Variants in ATP11A observed in about 807,000 individuals in gnomAD.
The protein encoded by ATP11A is ATPase phospholipid transporting 11A.
In ATP11A, 81 loss-of-function variants were observed where a neutral mutation model predicts 154.4. The ratio of observed to expected loss-of-function variants is 0.52; its 90% CI spans 0.44 to 0.63. The LOEUF (loss-of-function observed/expected upper bound fraction) is 0.63. Ranked by LOEUF, ATP11A falls within the 30% of genes least tolerant of loss-of-function variation. The pLI is 0.00. For synonymous variants in ATP11A, 623 were observed against 585.9 expected, an observed-to-expected ratio of 1.06 and a Z score of -0.91; for missense variants, 1,316 against 1,474.3, an observed-to-expected ratio of 0.89 and a Z score of 1.76.
At chr13:112,740,666 C>T (rs1244014756) in intron 1 of ATP11A, among the ~76,000 whole-genome samples, 2 of 152,204 alleles carry the variant, frequency 1.3e-5, no homozygotes, top group African/African-American at 2.4e-5. Context: ...GCAGACAAGG[C>T]GTGCTGCCCA....
At chr13:112,811,885 C>T (rs1199708398) in intron 5 of ATP11A, 1 of 152,224 alleles carries the variant, frequency 6.6e-6, no homozygotes, top group Non-Finnish European at 1.5e-5. Flanking sequence ...GAATTACAGG[C>T]ATAAGCCACC....
At chr13:112,872,589 C>A (rs554790260) in intron 26 of ATP11A, among the ~76,000 whole-genome samples, 5 of 152,216 alleles carry the variant, frequency 3.3e-5, no homozygotes, top group Admixed American at 6.5e-5. Flanking sequence ...CCAGCCTGGG[C>A]GACAGAGCGA....
intron 27 of ATP11A, among the ~76,000 whole-genome samples, chr13:112,874,094 G>A (rs540411019): frequency 1.2e-4 from 18 of 152,358 alleles, no homozygotes; most frequent in African/African-American, 3.6e-4. Flanking sequence ...CCAGGCATTC[G>A]ACAGGTCCTG....
Position 112,753,627 on chromosome 13 carries a change from A to G in ATP11A, c.40-31508A>G, listed in dbSNP as rs899740549. 6.6e-6 allele frequency among the ~76,000 whole-genome samples: 1 copy of G among 152,112 alleles called. No individual in the cohort carries two copies. The highest frequency in any genetic ancestry group is 2.4e-5 in the African/African-American group (1 of 41,406). ...TTTTTTGAAAAAGAACAGCTTGTTT[A>G]TATCTTTTGCCCATCTTTCATTTGG... On this transcript the variant is annotated intron_variant, in intron 1 of 29. Transcript: ENST00000375645. This position sits in a 1 kb window ranked among gnomAD's most constrained non-coding sequence, Gnocchi z 4.1.
At chr13:112,715,634 G>A (rs668967) in intron 1 of ATP11A, among the ~76,000 whole-genome samples, 95,846 of 124,412 alleles carry the variant, frequency 0.77, 38,243 homozygotes, top group East Asian at 0.96. Flanking sequence ...CTCCCCAGAG[G>A]GTTGCCCCTC....
intron 1 of ATP11A, among the ~76,000 whole-genome samples, chr13:112,710,747 T>C (rs1283036765): frequency 2.6e-5 from 4 of 152,174 alleles, no homozygotes; most frequent in Non-Finnish European, 4.4e-5. Context: ...TTCCAGTCTT[T>C]GGCAAATGCT....
chr13:112,858,962 A>C, intron 22 of ATP11A: 2 of 252,804 alleles, frequency 7.9e-6, no homozygotes, highest in Admixed American at 5.1e-5. Flanking sequence ...GGGTCTGGGA[A>C]TGTACCCCTG....
At chr13:112,874,449 G>A (rs1042340117) in intron 27 of ATP11A, among the ~76,000 whole-genome samples, 12 of 152,172 alleles carry the variant, frequency 7.9e-5, no homozygotes, top group African/African-American at 2.9e-4. Flanking sequence ...ACATAGGCAG[G>A]GTGGTCAGTC....
At chr13:112,853,687 G>A (rs2079842033) in intron 18 of ATP11A, among the ~76,000 whole-genome samples, 1 of 152,168 alleles carries the variant, frequency 6.6e-6, no homozygotes, top group Admixed American at 6.5e-5. Flanking sequence ...GTGACATCAT[G>A]GTAAGCATGA....
chr13:112,863,041 AGT>A (rs1447024151), intron 25 of ATP11A, among the ~76,000 whole-genome samples: 77 of 148,608 alleles, frequency 5.2e-4, no homozygotes, highest in African/African-American at 1.9e-3. Context: ...GCAGTAGTTC[AGT>A]GCGGCCCATG....
In ATP11A at chr13:112,690,532, G is replaced by A; in HGVS notation, c.39+77G>A. 1 of 1,233,728 alleles carries A rather than the reference G, an allele frequency of 8.1e-7. No individual in the cohort carries two copies. The highest frequency in any genetic ancestry group is 1.6e-5 in the African/African-American group (1 of 64,042). 76.4% of individuals were successfully genotyped at this position (1,233,728 alleles called of 1,614,324 possible). ...CCGGCCCCGCAGCCCGGACCCTGTGGCCGGTCCAGCCCCGGGGTCCCGGGA... is the reference window on the plus strand; with the variant it reads ...CCGGCCCCGCAGCCCGGACCCTGTGACCGGTCCAGCCCCGGGGTCCCGGGA... On this transcript the variant is annotated intron_variant, in intron 1 of 29. Transcript: ENST00000375645. The surrounding 1 kb of genome is among the most constrained non-coding windows in gnomAD (Gnocchi z 5.6).
chr13:112,769,965 G>A (rs544375046), intron 1 of ATP11A, among the ~76,000 whole-genome samples: 5 of 152,082 alleles, frequency 3.3e-5, no homozygotes, highest in Admixed American at 2.0e-4. Flanking sequence ...AGGGTGAATC[G>A]CATGAAATCA....
chr13:112,705,156 T>C (rs17121532), intron 1 of ATP11A, among the ~76,000 whole-genome samples: 5,931 of 152,304 alleles, frequency 0.039, 161 homozygotes, highest in Admixed American at 0.076. Context: ...TAAATGACTT[T>C]GGTATAAATC....
intron 1 of ATP11A, among the ~76,000 whole-genome samples, chr13:112,775,976 C>T (rs546805564): frequency 2.0e-5 from 3 of 152,366 alleles, no homozygotes; most frequent in South Asian, 2.1e-4. Flanking sequence ...GAGCCCACGC[C>T]GTCAGGCCCA....
At chr13:112,788,671 G>C (rs375033076) in intron 2 of ATP11A, among the ~76,000 whole-genome samples, 1 of 147,630 alleles carries the variant, frequency 6.8e-6, no homozygotes, top group Admixed American at 6.7e-5. Flanking sequence ...AATTCACACC[G>C]GGTGTCCTGA....
intron 1 of ATP11A, among the ~76,000 whole-genome samples, chr13:112,782,806 CG>C (rs1294636447): frequency 6.6e-6 from 1 of 152,178 alleles, no homozygotes; most frequent in Non-Finnish European, 1.5e-5. Flanking sequence ...AGCAGGCTCG[CG>C]GGGAGGCCAC....
chr13:112,842,427 G>A, intron 17 of ATP11A, 48 bp downstream of exon 17: 4 of 1,329,644 alleles, frequency 3.0e-6, no homozygotes, highest in South Asian at 1.2e-5. Context: ...CTCCCCTGCT[G>A]TCAGGAAGGA....
chr13:112,761,285 G>A (rs79658277), intron 1 of ATP11A, among the ~76,000 whole-genome samples: 1 of 152,186 alleles, frequency 6.6e-6, no homozygotes, highest in Non-Finnish European at 1.5e-5. Context: ...TAAGTGAAAA[G>A]TGAAAGTTCT....
At chr13:112,759,256 T>G (rs400640) in intron 1 of ATP11A, among the ~76,000 whole-genome samples, 2 of 152,068 alleles carry the variant, frequency 1.3e-5, no homozygotes, top group Non-Finnish European at 2.9e-5. Flanking sequence ...AGCCCTCTGG[T>G]GAGGTTCTTC....
Sources: gnomAD v4.1 joint callset for allele counts (sites outside exome capture counted in the v4.1 genomes callset) on GRCh38, gnomAD v4.1.1 for gene constraint, Gnocchi (gnomAD v3.1) non-coding constraint, MANE v1.5 for transcripts, NCBI Gene and HGNC (gene_info 2026-07-23, HGNC 2026-07-21) for gene names.